CFAP299: variants seen among roughly 807,000 people sequenced by gnomAD.
The protein encoded by CFAP299 is cilia- and flagella-associated protein 299.
A neutral mutation model predicts 27.0 loss-of-function variants in CFAP299; 21 were observed. The ratio of observed to expected loss-of-function variants is 0.78; its 90% CI spans 0.55 to 1.12. The LOEUF is 1.12. Among genes scored for constraint, CFAP299 ranks in the 50% most tolerant of loss-of-function variants. The pLI, the probability that CFAP299 is intolerant of heterozygous loss-of-function variation, is 0.00. For synonymous variants in CFAP299, 104 were observed against 98.1 expected (o/e 1.06, Z -0.36); for missense variants, 310 against 276.6 (o/e 1.12, Z -0.86).
rs188941173 is a variant in CFAP299 at position 80,962,919 on chromosome 4, C to A, written c.607-598C>A. 4.6e-4 allele frequency among the ~76,000 whole-genome samples: 70 copies of A among 151,908 alleles called. 1 individual carries two copies. The highest frequency in any genetic ancestry group is 3.4e-3 in the Middle Eastern group (1 of 294). On this transcript the variant is annotated intron_variant, in intron 5 of 5. Coordinates refer to ENST00000358105, the MANE Select transcript of CFAP299 (RefSeq NM_152770.3). ...CTTATCAATACCACATTAGCAAATA[C>A]TTATTTCCATAGAGGCTTTCTAGAA...
At chr4:80,390,714 TAC>T (rs1466953575) in intron 2 of CFAP299, among the ~76,000 whole-genome samples, 1 of 145,094 alleles carries the variant, frequency 6.9e-6, no homozygotes, top group African/African-American at 2.5e-5. Flanking sequence ...TATATATGTA[TAC>T]ACACATACAT....
rs543829217 is a variant in CFAP299 at position 80,480,555 on chromosome 4, G to A, written c.243-102538G>A. Reference sequence around the variant, plus strand: ...CTAATTCAAGCATTTACAAGAAATGGTCCAAGTTAAGTTCCACTTAGGTTT... The same window carrying A: ...CTAATTCAAGCATTTACAAGAAATGATCCAAGTTAAGTTCCACTTAGGTTT... On this transcript the variant is annotated intron_variant, in intron 2 of 5. Coordinates refer to ENST00000358105, the MANE Select transcript of CFAP299 (RefSeq NM_152770.3). 6.6e-5 allele frequency among the ~76,000 whole-genome samples: 10 copies of A among 152,012 alleles called. No homozygotes were observed. The East Asian group carries it at 1.9e-3, about 29-fold the overall frequency.
At chr4:80,465,671 AAG>A (rs768253191) in intron 2 of CFAP299, among the ~76,000 whole-genome samples, 3 of 152,226 alleles carry the variant, frequency 2.0e-5, no homozygotes, top group Non-Finnish European at 2.9e-5. Flanking sequence ...GGAAGAGTGA[AAG>A]AGAAAAAAAC....
the CFAP299 span, among the ~76,000 whole-genome samples, chr4:80,328,140 C>T: frequency 6.6e-6 from 1 of 151,828 alleles, no homozygotes; most frequent in African/African-American, 2.4e-5. Context: ...TAGAAGAGAA[C>T]AGGGAAATGA....
chr4:80,570,764 A>G (rs778500929), intron 2 of CFAP299, among the ~76,000 whole-genome samples: 1 of 152,122 alleles, frequency 6.6e-6, no homozygotes, highest in African/African-American at 2.4e-5. Flanking sequence ...TGAGAAATGT[A>G]TACTCAGAAA....
In CFAP299 at chr4:80,509,860, ATT is replaced by A. The variant is rs113779510; in HGVS notation, c.243-73220_243-73219del. On this transcript the variant is annotated intron_variant, in intron 2 of 5. Coordinates refer to ENST00000358105, the MANE Select transcript of CFAP299 (RefSeq NM_152770.3). ...TGGCCATCTTCTGCACTGCTGCCAG[ATT>A]TTTTTTTTTTTTCTGGCAGGTTGCA... Among the ~76,000 whole-genome samples, 99 of 145,458 alleles carry A rather than the reference ATT, an allele frequency of 6.8e-4. 1 individual carries two copies. The highest frequency in any genetic ancestry group is 2.2e-3 in the African/African-American group (87 of 39,770).
chr4:80,443,852 T>C (rs938553136), intron 2 of CFAP299, among the ~76,000 whole-genome samples: 4 of 152,154 alleles, frequency 2.6e-5, no homozygotes, highest in African/African-American at 4.8e-5. Flanking sequence ...AGAAAGTCAA[T>C]GTGCAAAAAT....
rs542756030 is a variant in CFAP299, at chr4:80,668,660, A to G, written c.333+85477A>G. ...TCTCTATTCCACTCCTTTAGTATAT[A>G]TGTCTGTTTTTAATGCCAGTATTAA... On this transcript the variant is annotated intron_variant, in intron 3 of 5. Transcript: ENST00000358105. Among the ~76,000 whole-genome samples the G allele has an allele frequency of 5.6e-4, 85 of 152,208 alleles. 1 individual carries two copies. Among genetic ancestry groups the G allele is most frequent in the African/African-American group, 1.9e-3 (78 of 41,538 alleles).
intron 3 of CFAP299, among the ~76,000 whole-genome samples, chr4:80,740,117 T>C (rs996037356): frequency 6.6e-6 from 1 of 152,330 alleles, no homozygotes; most frequent in Middle Eastern, 3.4e-3. Flanking sequence ...ATTTTCTGTC[T>C]GAAAGGTCAT....
At chr4:80,840,162 T>C (rs1000589745) in intron 3 of CFAP299, among the ~76,000 whole-genome samples, 2 of 152,154 alleles carry the variant, frequency 1.3e-5, no homozygotes, top group Non-Finnish European at 2.9e-5. Context: ...CACTTTAGAT[T>C]TGAGTGATCC....
intron 5 of CFAP299, among the ~76,000 whole-genome samples, chr4:80,949,097 T>C (rs10433930): frequency 0.078 from 11,864 of 152,250 alleles, 572 homozygotes; most frequent in South Asian, 0.18. Flanking sequence ...TTAAGATTAT[T>C]GAATTAGAAC....
At chr4:80,703,005 A>G (rs1298289821) in intron 3 of CFAP299, among the ~76,000 whole-genome samples, 1 of 151,776 alleles carries the variant, frequency 6.6e-6, no homozygotes. Context: ...TTCTTACTTG[A>G]GTCTATTTCA....
At chr4:80,849,650 A>G (rs72865123) in intron 3 of CFAP299, among the ~76,000 whole-genome samples, 1,577 of 152,230 alleles carry the variant, frequency 0.01, 24 homozygotes, top group African/African-American at 0.035. Flanking sequence ...TCTCACCTAT[A>G]TGTGGAATCT....
chr4:80,807,344 C>A (rs904002733), intron 3 of CFAP299, among the ~76,000 whole-genome samples: 1 of 151,904 alleles, frequency 6.6e-6, no homozygotes, highest in Non-Finnish European at 1.5e-5. Context: ...TGAATCACAA[C>A]GTCGGAATAC....
intron 3 of CFAP299, among the ~76,000 whole-genome samples, chr4:80,698,473 G>A (rs182853929): frequency 1.3e-5 from 2 of 152,242 alleles, no homozygotes; most frequent in Admixed American, 1.3e-4. Context: ...GACTTTTTCT[G>A]CGTTTTTATT....
chr4:80,856,937 G>C (rs1731940433), intron 3 of CFAP299, among the ~76,000 whole-genome samples: 1 of 151,852 alleles, frequency 6.6e-6, no homozygotes, highest in Non-Finnish European at 1.5e-5. Flanking sequence ...CCAATTCTGT[G>C]AAGAAAGTCA....
chr4:80,347,900 A>G (rs982352918), intron 1 of CFAP299, among the ~76,000 whole-genome samples: 188 of 152,316 alleles, frequency 1.2e-3, no homozygotes, highest in African/African-American at 4.3e-3. Flanking sequence ...AGTAACCAAA[A>G]CAGCATGATA....
intron 2 of CFAP299, among the ~76,000 whole-genome samples, chr4:80,414,168 T>G (rs1218117583): frequency 6.7e-6 from 1 of 148,370 alleles, no homozygotes; most frequent in Admixed American, 6.8e-5. Context: ...CCTCCCGGGT[T>G]CACGCCATTC....
At chr4:80,913,100 A>T (rs1375775173) in intron 4 of CFAP299, among the ~76,000 whole-genome samples, 1 of 152,042 alleles carries the variant, frequency 6.6e-6, no homozygotes, top group Non-Finnish European at 1.5e-5. Flanking sequence ...TGAAATGTAA[A>T]TTTTTCCTCC....
Sources: gnomAD v4.1 joint callset for allele counts (sites outside exome capture counted in the v4.1 genomes callset) on GRCh38, gnomAD v4.1.1 for gene constraint, MANE v1.5 for transcripts, NCBI Gene and HGNC (gene_info 2026-07-23, HGNC 2026-07-21) for gene names.